Variants in SERPINA11 observed in about 807,000 individuals in gnomAD.
SERPINA11 encodes the protein serpin family A member 11.
A neutral mutation model predicts 29.4 loss-of-function variants in SERPINA11; 28 were observed. The ratio of observed to expected loss-of-function variants is 0.95; its 90% CI spans 0.70 to 1.30. The LOEUF (loss-of-function observed/expected upper bound fraction) is 1.30, where lower values mean the gene tolerates loss of function less well. Ranked by LOEUF, SERPINA11 falls within the 50% of genes most tolerant of loss-of-function variation. SERPINA11 has a pLI of 0.00. For missense variants in SERPINA11, 530 were observed against 507.3 expected (o/e 1.04, Z -0.43); for synonymous variants, 253 against 206.6 (o/e 1.22, Z -1.92).
chr14:94,452,067 G>A (rs1357977803), intron 1 of SERPINA11, among the ~76,000 whole-genome samples: 1 of 152,198 alleles, frequency 6.6e-6, no homozygotes, highest in East Asian at 1.9e-4. Context: ...TCAATGCCTG[G>A]TGGAGGGATG....
intron 2 of SERPINA11, among the ~76,000 whole-genome samples, chr14:94,447,625 T>C (rs1998208): frequency 0.74 from 112,215 of 152,202 alleles, 41,550 homozygotes; most frequent in African/African-American, 0.78. Context: ...CAACCTGGCC[T>C]TGTTTCCCTC....
Position 94,442,766 on chromosome 14 carries a change from T to C in SERPINA11, c.1109A>G (p.Glu370Gly), listed in dbSNP as rs1898366939. ...AMVDMSEKGT[E>G]AGAASGLLSQ... The stretch of plus-strand genomic sequence containing the variant: ...GAGGAGGCCTGAAGCAGCCCCGGCC[T>C]CGGTCCCCTTCTCACTCATGTCCAC... The change falls in exon 5 of 5, where the codon GAG becomes GGG. Residue 370 changes from glutamate to glycine, a missense_variant. Physicochemically the swap from Glu to Gly is moderately conservative, Grantham distance 98. Transcript: ENST00000334708. The C allele has an allele frequency of 1.2e-6, 2 of 1,612,660 alleles. No individual in the cohort carries two copies. Among genetic ancestry groups the C allele is most frequent in the African/African-American group, 2.7e-5 (2 of 74,892 alleles).
chr14:94,449,461 C>CTTTCT (rs1898535322), intron 1 of SERPINA11, among the ~76,000 whole-genome samples: 7 of 114,386 alleles, frequency 6.1e-5, no homozygotes, highest in African/African-American at 3.6e-4. Context: ...TTCTTTCTTT[C>CTTTCT]TTTCTTTCTT....
chr14:94,448,596 C>A lies in SERPINA11; in HGVS notation c.179G>T (p.Arg60Leu), dbSNP rs776283166. 1 of 1,613,602 alleles carries A rather than the reference C, an allele frequency of 6.2e-7. No individual in the cohort carries two copies. Among genetic ancestry groups the A allele is most frequent in the Admixed American group, 1.7e-5 (1 of 59,984 alleles). The change falls in exon 2 of 5, where the codon CGT becomes CTT. Residue 60 changes from arginine to leucine, a missense_variant. Arg to Leu is a moderately radical substitution (Grantham distance 102). Coordinates refer to ENST00000334708, the MANE Select transcript of SERPINA11 (RefSeq NM_001080451.2). ...GTCTGCTGCCAGCTCTTTATACAAA[C>A]GCAAAGCAAAATTGGTAATGGTGGG... is the stretch of plus-strand genomic sequence containing the variant. ...ITPTITNFAL[R>L]LYKELAADAP...
chr14:94,448,723 G>A lies in SERPINA11; in HGVS notation c.52C>T (p.His18Tyr), dbSNP rs1426926867. 1.3e-6 allele frequency: 2 copies of A among 1,522,648 alleles called. No individual in the cohort carries two copies. The highest frequency in any genetic ancestry group is 2.3e-5 in the East Asian group (1 of 44,094). 94.3% of individuals were successfully genotyped at this position (1,522,648 alleles called of 1,614,324 possible). A position where few individuals can be genotyped will look rare whatever the true frequency, so the allele number is the denominator to read the frequency against. ...CCATGGGCAAGAAGGGGCTGACAGTGGACAGAGGCCAGGATCCCTGTTCCC... is the reference window on the plus strand; with the variant it reads ...CCATGGGCAAGAAGGGGCTGACAGTAGACAGAGGCCAGGATCCCTGTTCCC... ...LLGTGILASV[H>Y]CQPLLAHGDK... The change falls in exon 2 of 5, where the codon CAC (histidine) becomes TAC (tyrosine). Residue 18 changes from histidine (H) to tyrosine (Y), a missense_variant. Coordinates refer to ENST00000334708, the MANE Select transcript of SERPINA11 (RefSeq NM_001080451.2).
chr14:94,452,648 C>CACACACACACAG (rs1231099390), intron 1 of SERPINA11, 81 bp downstream of exon 1: 5 of 144,140 alleles, frequency 3.5e-5, no homozygotes, highest in East Asian at 2.2e-4. Flanking sequence ...CACACACACA[C>CACACACACACAG]AGAGACAGAG....
chr14:94,446,289 C>T (rs762056575), intron 3 of SERPINA11, 42 bp downstream of exon 3: 36 of 1,579,230 alleles, frequency 2.3e-5, no homozygotes, highest in Non-Finnish European at 2.9e-5. Context: ...TGCTGGGGTT[C>T]TTGAGCAAGG....
chr14:94,443,849 T>C (rs1453601048), intron 3 of SERPINA11, among the ~76,000 whole-genome samples: 4 of 152,230 alleles, frequency 2.6e-5, no homozygotes, highest in African/African-American at 9.6e-5. Flanking sequence ...CTTTACCATC[T>C]GATTGCCACA....
intron 3 of SERPINA11, among the ~76,000 whole-genome samples, chr14:94,444,501 C>T (rs1038537991): frequency 6.6e-6 from 1 of 152,104 alleles, no homozygotes; most frequent in Non-Finnish European, 1.5e-5. Context: ...GGAAAATCTA[C>T]TGGTCTAGAA....
intron 1 of SERPINA11, among the ~76,000 whole-genome samples, chr14:94,449,394 T>TTTTTCTTTC (rs1566784507): frequency 1.1e-4 from 3 of 27,526 alleles, no homozygotes; most frequent in African/African-American, 3.4e-4. Flanking sequence ...CCCTCCCTCT[T>TTTTTCTTTC]TCTTTCTTTC....
intron 1 of SERPINA11, among the ~76,000 whole-genome samples, chr14:94,451,291 G>A (rs1001510280): frequency 3.3e-5 from 5 of 152,184 alleles, no homozygotes; most frequent in African/African-American, 9.7e-5. Context: ...GTTGAAATGC[G>A]TTTGCTGGTC....
Position 94,448,507 on chromosome 14 carries a change from CAA to C in SERPINA11, c.266_267del (p.Leu89ArgfsTer5), listed in dbSNP as rs763683091. The C allele has an allele frequency of 1.9e-6, 3 of 1,614,150 alleles. No individual in the cohort carries two copies. The highest frequency in any genetic ancestry group is 2.2e-5 in the East Asian group (1 of 44,874). ...AGAGCTGAGGTGTTAGCTTGGGCCC[CAA>C]GAGAGAGCAGGGCCAGGGTGGTGGA... ...SISTTLALLSLGAQANTSALI... is the reference protein window; with the variant it reads ...SISTTLALLSXGAQANTSALI... On this transcript the variant is annotated frameshift_variant, in exon 2 of 5. Transcript: ENST00000334708. LOFTEE classifies it high-confidence loss of function.
At chr14:94,446,656 T>G in intron 2 of SERPINA11, 52 bp from the exon 3 acceptor site, 1 of 1,541,518 alleles carries the variant, frequency 6.5e-7, no homozygotes, top group Non-Finnish European at 8.8e-7. Context: ...AGAGAGCAAC[T>G]CTGGGTAGAC....
At chr14:94,447,097 G>A (rs528541927) in intron 2 of SERPINA11, among the ~76,000 whole-genome samples, 6 of 152,220 alleles carry the variant, frequency 3.9e-5, no homozygotes, top group South Asian at 2.1e-4. Context: ...CTACAGAGAC[G>A]CTCAAGAGCT....
rs150820756 is a variant in SERPINA11, at chr14:94,442,621, G to T, written c.1254C>A (p.Asn418Lys). 4.4e-6 allele frequency: 7 copies of T among 1,609,158 alleles called. No homozygotes were observed. In the African/African-American group the frequency reaches 8.0e-5, roughly 18 times the overall value. ...QSLLFLGKVV[N>K]PVAG ...CCCACCATGGTTACCCTGCAACTGG[G>T]TTGACAACTTTTCCCAGGAAGAGTA... The change falls in exon 5 of 5, where the codon AAC (asparagine) becomes AAA (lysine). Residue 418 changes from asparagine (N) to lysine (K), a missense_variant. Transcript: ENST00000334708.
intron 1 of SERPINA11, among the ~76,000 whole-genome samples, chr14:94,449,523 TTCTTTTTC>T (rs1485207982): frequency 3.4e-5 from 5 of 145,664 alleles, no homozygotes; most frequent in East Asian, 2.1e-4. Context: ...CTTTCTTTCT[TTCTTTTTC>T]TTTCTTTCTT....
intron 3 of SERPINA11, 139 bp downstream of exon 3, chr14:94,446,192 G>A: frequency 1.2e-6 from 1 of 826,090 alleles, no homozygotes; most frequent in Non-Finnish European, 1.9e-6. Context: ...TGAGAAAATT[G>A]CCAAGATCAC....
chr14:94,443,213 C>A lies in SERPINA11; in HGVS notation c.930G>T (p.Leu310Phe). ...GQLLLPSLLD[L>F]HLPRFSISGT... ...CAGAAATTGAAAACCTTGGCAAGTG[C>A]AAATCCAACAGACTGGAGAGAGAAA... Residue 310 changes from leucine (L) to phenylalanine (F), a missense_variant, in exon 4 of 5, where the codon TTG becomes TTT. Physicochemically the swap from Leu to Phe is conservative, Grantham distance 22. Coordinates refer to ENST00000334708, the MANE Select transcript of SERPINA11 (RefSeq NM_001080451.2). 1 of 1,613,242 alleles carries A rather than the reference C, an allele frequency of 6.2e-7. No individual in the cohort carries two copies. The highest frequency in any genetic ancestry group is 8.5e-7 in the Non-Finnish European group (1 of 1,179,568).
chr14:94,448,788 G>A lies in SERPINA11; in HGVS notation c.-3-11C>T, dbSNP rs773257777. 1.4e-5 allele frequency: 21 copies of A among 1,505,326 alleles called. No individual in the cohort carries two copies. In the East Asian group the frequency reaches 3.6e-4, roughly 26 times the overall value. 93.2% of individuals were successfully genotyped at this position (1,505,326 alleles called of 1,614,324 possible). A position where few individuals can be genotyped will look rare whatever the true frequency, so the allele number is the denominator to read the frequency against. ...AGCTGGACCCATTCTCTGAAAACAA[G>A]AGGGTGAACATGTCACTTTTCTCCA... is the stretch of plus-strand genomic sequence containing the variant. On this transcript the variant is annotated splice_polypyrimidine_tract_variant and intron_variant, in intron 1 of 4. Transcript: ENST00000334708.
Sources: allele counts gnomAD v4.1 joint callset (sites outside exome capture counted in the v4.1 genomes callset), GRCh38; gene constraint gnomAD v4.1.1; transcripts MANE v1.5; gene names NCBI Gene and HGNC (gene_info 2026-07-23, HGNC 2026-07-21).